ATXN7L1: variants seen among roughly 807,000 people sequenced by gnomAD.
ATXN7L1 encodes ataxin 7 like 1.
ATXN7L1 carries 15 observed loss-of-function variants against 70.8 expected under a neutral mutation model. The ratio of observed to expected loss-of-function variants is 0.21; its 90% confidence interval spans 0.14 to 0.33. The LOEUF (loss-of-function observed/expected upper bound fraction) is 0.33. ATXN7L1 is among the 10% of genes least tolerant of loss of function. ATXN7L1 has a pLI of 1.00. For synonymous variants in ATXN7L1, 440 were observed against 445.1 expected, an observed-to-expected ratio of 0.99 and a Z score of 0.14; for missense variants, 975 against 1,097.1, an observed-to-expected ratio of 0.89 and a Z score of 1.57.
intron 5 of ATXN7L1, 34 bp downstream of exon 5, chr7:105,642,804 T>A: frequency 6.5e-7 from 1 of 1,532,406 alleles, no homozygotes; most frequent in Admixed American, 2.0e-5. Flanking sequence ...TTCAGTCTAA[T>A]CATGAGTCAG....
chr7:105,797,336 A>G (rs562569664), intron 2 of ATXN7L1, among the ~76,000 whole-genome samples: 44 of 151,878 alleles, frequency 2.9e-4, no homozygotes, highest in Non-Finnish European at 5.9e-4. Context: ...CCGCCCCCGG[A>G]CCCCAACCCC....
At chr7:105,713,791 G>C (rs1279300343) in intron 3 of ATXN7L1, among the ~76,000 whole-genome samples, 2 of 144,260 alleles carry the variant, frequency 1.4e-5, no homozygotes, top group Non-Finnish European at 3.1e-5. Context: ...AGGGCCTCCA[G>C]GGTAAGCCTT....
intron 3 of ATXN7L1, among the ~76,000 whole-genome samples, chr7:105,704,069 C>T (rs1792820077): frequency 6.6e-6 from 1 of 152,210 alleles, no homozygotes; most frequent in Admixed American, 6.5e-5. Context: ...ACGCTGGCAA[C>T]TGTGTCCTAC....
chr7:105,662,819 C>T (rs1801924797), intron 4 of ATXN7L1, among the ~76,000 whole-genome samples: 1 of 152,086 alleles, frequency 6.6e-6, no homozygotes, highest in African/African-American at 2.4e-5. Context: ...GAAGTGCTGT[C>T]CTTTGGCACA....
At chr7:105,640,706 G>A (rs1274117627) in intron 5 of ATXN7L1, among the ~76,000 whole-genome samples, 9 of 152,182 alleles carry the variant, frequency 5.9e-5, no homozygotes, top group African/African-American at 2.2e-4. Flanking sequence ...GTTATTTTTT[G>A]TAGATACAGG....
intron 3 of ATXN7L1, chr7:105,760,210 A>G: frequency 1.0e-6 from 1 of 984,864 alleles, no homozygotes; most frequent in Non-Finnish European, 1.2e-6. Context: ...ATAGATGTTT[A>G]ATGACCCAGT....
intron 7 of ATXN7L1, 91 bp from the exon 8 acceptor site, chr7:105,624,358 C>T: frequency 8.1e-7 from 1 of 1,227,940 alleles, no homozygotes; most frequent in Non-Finnish European, 1.0e-6. Context: ...GCTCAGAAAA[C>T]AGCCTGATTA....
At chr7:105,700,050 C>T (rs75493800) in intron 3 of ATXN7L1, among the ~76,000 whole-genome samples, 13,311 of 152,232 alleles carry the variant, frequency 0.087, 708 homozygotes, top group Non-Finnish European at 0.12. Context: ...CCCTCCGAGC[C>T]GCTCTGAGCT....
intron 7 of ATXN7L1, among the ~76,000 whole-genome samples, chr7:105,627,841 G>GTTTTTTTTTTT (rs36028028): frequency 1.2e-5 from 1 of 86,448 alleles, no homozygotes; most frequent in Admixed American, 1.8e-4. Context: ...CCTGTCTTTA[G>GTTTTTTTTTTT]TTTTTTTTTT....
intron 3 of ATXN7L1, among the ~76,000 whole-genome samples, chr7:105,726,094 G>A (rs2116315147): frequency 6.6e-6 from 1 of 151,828 alleles, no homozygotes; most frequent in Non-Finnish European, 1.5e-5. Flanking sequence ...TAGAGATGGG[G>A]TTTTGCCACT....
chr7:105,788,838 T>C, intron 2 of ATXN7L1, 130 bp from the exon 3 acceptor site: 1 of 721,828 alleles, frequency 1.4e-6, no homozygotes, highest in Non-Finnish European at 2.4e-6. Flanking sequence ...TAATCTTTAC[T>C]AACGGGAACT....
intron 3 of ATXN7L1, among the ~76,000 whole-genome samples, chr7:105,748,753 C>T (rs1298598332): frequency 6.6e-6 from 1 of 152,190 alleles, no homozygotes; most frequent in Non-Finnish European, 1.5e-5. Flanking sequence ...AGCAAAACAG[C>T]ACTCAGGGCC....
intron 3 of ATXN7L1, among the ~76,000 whole-genome samples, chr7:105,723,498 A>T (rs945256089): frequency 1.3e-5 from 2 of 152,138 alleles, no homozygotes; most frequent in Non-Finnish European, 2.9e-5. Flanking sequence ...GCAGCTCTAA[A>T]ATCCCACAGT....
At chr7:105,727,330 A>C (rs965852308) in intron 3 of ATXN7L1, among the ~76,000 whole-genome samples, 6 of 152,154 alleles carry the variant, frequency 3.9e-5, no homozygotes, top group African/African-American at 1.4e-4. Context: ...TGGTTTGGAG[A>C]AAAACAGAGT....
rs1253703047 is a variant in ATXN7L1 at position 105,607,652 on chromosome 7, T to TA, written c.*199dup. 2 of 579,474 alleles carry TA rather than the reference T, an allele frequency of 3.5e-6. No individual in the cohort carries two copies. The highest frequency in any genetic ancestry group is 1.9e-5 in the African/African-American group (1 of 53,526). The allele number at this position is 579,474 out of a possible 1,614,324, so 35.9% of individuals were successfully genotyped here. A position where few individuals can be genotyped will look rare whatever the true frequency, so the allele number is the denominator to read the frequency against. ...AACCAAACACTGGAACTGTTTTCTG[T>TA]AAATCTCAAATTCACCTTCTTTTGC... On this transcript the variant is annotated 3_prime_UTR_variant, in exon 12 of 12. Coordinates refer to ENST00000419735, the MANE Select transcript of ATXN7L1 (RefSeq NM_020725.2).
chr7:105,826,133 T>C (rs979107083), intron 2 of ATXN7L1, among the ~76,000 whole-genome samples: 2 of 152,230 alleles, frequency 1.3e-5, no homozygotes, highest in Admixed American at 6.5e-5. Flanking sequence ...GAGACAGGAC[T>C]AGCAGTGGGT....
At chr7:105,666,566 T>G (rs1294253111) in intron 3 of ATXN7L1, among the ~76,000 whole-genome samples, 1 of 152,220 alleles carries the variant, frequency 6.6e-6, no homozygotes, top group Admixed American at 6.5e-5. Flanking sequence ...TGTACTCCCT[T>G]GTACCAATGG....
At chr7:105,699,462 A>G (rs11760426) in intron 3 of ATXN7L1, among the ~76,000 whole-genome samples, 13,160 of 152,216 alleles carry the variant, frequency 0.086, 695 homozygotes, top group Non-Finnish European at 0.12. Flanking sequence ...CTTAAGTGGT[A>G]TACTTTGAAT....
At chr7:105,812,181 C>T (rs1808525419) in intron 2 of ATXN7L1, among the ~76,000 whole-genome samples, 4 of 152,156 alleles carry the variant, frequency 2.6e-5, no homozygotes. Flanking sequence ...CTGTACACAA[C>T]CAGCTCCCTG....
Sources: allele counts gnomAD v4.1 joint callset (sites outside exome capture counted in the v4.1 genomes callset), GRCh38; gene constraint gnomAD v4.1.1; transcripts MANE v1.5; gene names NCBI Gene and HGNC (gene_info 2026-07-23, HGNC 2026-07-21).